Variants in ANKMY2 observed in about 807,000 individuals in gnomAD.
The protein encoded by ANKMY2 is ankyrin repeat and MYND domain-containing protein 2.
A neutral mutation model predicts 50.4 loss-of-function variants in ANKMY2; 36 were observed. The observed-to-expected ratio is 0.71, with a 90% CI of 0.55 to 0.94. The LOEUF (loss-of-function observed/expected upper bound fraction) is 0.94, where lower values mean the gene tolerates loss of function less well. ANKMY2 is among the 40% of genes least tolerant of loss of function. The probability of loss-of-function intolerance (pLI) is 0.00; values close to 1 mark genes in which losing one functional copy is unlikely to be tolerated. For missense variants in ANKMY2, 565 were observed against 524.0 expected (o/e 1.08, Z -0.76); for synonymous variants, 187 against 178.8 (o/e 1.05, Z -0.36).
intron 8 of ANKMY2, chr7:16,603,483 A>G (rs911541398): frequency 3.1e-5 from 11 of 351,024 alleles, no homozygotes; most frequent in Non-Finnish European, 4.7e-5. Context: ...AGTTTTTGTA[A>G]ATGGCCTTAT....
chr7:16,621,209 T>C (rs561055955), intron 4 of ANKMY2, among the ~76,000 whole-genome samples: 2 of 152,292 alleles, frequency 1.3e-5, no homozygotes, highest in South Asian at 4.1e-4. Flanking sequence ...GTGCAAATTC[T>C]TACCATGTGG....
intron 9 of ANKMY2, among the ~76,000 whole-genome samples, chr7:16,601,508 A>T (rs1328239725): frequency 6.6e-6 from 1 of 152,258 alleles, no homozygotes; most frequent in Admixed American, 6.5e-5. Context: ...AGAATAAAAA[A>T]GTTTGGTCAA....
chr7:16,628,829 C>G (rs772367922), intron 2 of ANKMY2, among the ~76,000 whole-genome samples: 1 of 151,918 alleles, frequency 6.6e-6, no homozygotes, highest in South Asian at 2.1e-4. Flanking sequence ...AGTCAATTGC[C>G]CAGCAATCCA....
intron 1 of ANKMY2, 27 bp downstream of exon 1, chr7:16,645,480 G>A (rs774455365): frequency 6.3e-7 from 1 of 1,589,466 alleles, no homozygotes; most frequent in Non-Finnish European, 8.5e-7. Context: ...GGCTGGCCGC[G>A]GCCGCGTCGC....
chr7:16,610,906 G>T, intron 5 of ANKMY2, 143 bp from the exon 6 acceptor site: 1 of 708,464 alleles, frequency 1.4e-6, no homozygotes, highest in Non-Finnish European at 2.3e-6. Context: ...TTGTTAGAAT[G>T]CAAATTACCC....
In ANKMY2 at chr7:16,601,085, A is replaced by G. The variant is rs1281597594; in HGVS notation, c.1142-140T>C. On this transcript the variant is annotated intron_variant, in intron 9 of 9. Transcript: ENST00000306999. Reference sequence around the variant, plus strand: ...CTACTGTCATCGCTAACGTTATTTTACAAATGAGAAAACTGAGAAGAGAGA... The same window carrying G: ...CTACTGTCATCGCTAACGTTATTTTGCAAATGAGAAAACTGAGAAGAGAGA... 4.9e-6 allele frequency: 3 copies of G among 613,756 alleles called. No homozygotes were observed. In the African/African-American group the frequency reaches 5.7e-5, roughly 12 times the overall value. 38.0% of individuals were successfully genotyped at this position (613,756 alleles called of 1,614,324 possible).
At chr7:16,645,457 C>T (rs778254513) in intron 1 of ANKMY2, 50 bp downstream of exon 1, 2 of 1,551,550 alleles carry the variant, frequency 1.3e-6, no homozygotes, top group Non-Finnish European at 1.7e-6. Context: ...GGCTCCGCCA[C>T]GCCCCCCGGC....
rs1399295829 is a variant in ANKMY2 at position 16,645,683 on chromosome 7, C to CT, written c.-111dup. The CT allele has an allele frequency of 6.6e-6, 8 of 1,203,414 alleles. No homozygotes were observed. In the East Asian group the frequency reaches 2.2e-4, roughly 34 times the overall value. 74.5% of individuals were successfully genotyped at this position (1,203,414 alleles called of 1,614,324 possible). ...AATGAGGCAACTTGAGACCAAGACACTGAGTAGCCAACCGCGGAAACGCTT... is the reference window on the plus strand; with the variant it reads ...AATGAGGCAACTTGAGACCAAGACACTTGAGTAGCCAACCGCGGAAACGCTT... On this transcript the variant is annotated 5_prime_UTR_variant, in exon 1 of 10. Coordinates refer to ENST00000306999, the MANE Select transcript of ANKMY2 (RefSeq NM_020319.3).
chr7:16,643,566 A>C (rs951506449), intron 1 of ANKMY2, among the ~76,000 whole-genome samples: 4 of 149,494 alleles, frequency 2.7e-5, no homozygotes, highest in Non-Finnish European at 5.9e-5. Context: ...GTGAGCCCAG[A>C]AATATCACAG....
At chr7:16,618,310 C>T (rs796364411) in intron 4 of ANKMY2, among the ~76,000 whole-genome samples, 23 of 151,928 alleles carry the variant, frequency 1.5e-4, no homozygotes, top group African/African-American at 4.3e-4. Flanking sequence ...CAAAAAAGAT[C>T]GAGTGGATGA....
chr7:16,601,040 C>T, intron 9 of ANKMY2, 95 bp from the exon 10 acceptor site: 2 of 967,030 alleles, frequency 2.1e-6, no homozygotes, highest in Non-Finnish European at 2.9e-6. Flanking sequence ...CTATCAACTA[C>T]ATGAGGTATA....
At chr7:16,620,460 G>A (rs1434843963) in intron 4 of ANKMY2, among the ~76,000 whole-genome samples, 2 of 152,198 alleles carry the variant, frequency 1.3e-5, no homozygotes, top group East Asian at 1.9e-4. Flanking sequence ...AACAGAGAAT[G>A]TGGAGAAATA....
At chr7:16,625,958 T>A (rs888221348) in intron 3 of ANKMY2, among the ~76,000 whole-genome samples, 15 of 151,534 alleles carry the variant, frequency 9.9e-5, no homozygotes, top group Non-Finnish European at 2.1e-4. Context: ...TTTTTCTTTT[T>A]ATACTTGATT....
chr7:16,618,503 T>G (rs151104201), intron 4 of ANKMY2, among the ~76,000 whole-genome samples: 68 of 152,290 alleles, frequency 4.5e-4, no homozygotes, highest in African/African-American at 1.4e-3. Context: ...GAGAATTTAA[T>G]AGTGATCACA....
rs1223251057 is a variant in ANKMY2 at position 16,624,974 on chromosome 7, A to G, written c.370+9T>C. On this transcript the variant is annotated intron_variant, in intron 4 of 9. Coordinates refer to ENST00000306999, the MANE Select transcript of ANKMY2 (RefSeq NM_020319.3). Reference sequence around the variant, plus strand: ...TATAATCTAATGCAAAACTGCAGCAAAATCTCACCCACAAAGGCTGCCATC... The same window carrying G: ...TATAATCTAATGCAAAACTGCAGCAGAATCTCACCCACAAAGGCTGCCATC... 15 of 1,612,642 alleles carry G rather than the reference A, an allele frequency of 9.3e-6. No homozygotes were observed. The highest frequency in any genetic ancestry group is 1.2e-5 in the Non-Finnish European group (14 of 1,179,278).
intron 2 of ANKMY2, among the ~76,000 whole-genome samples, chr7:16,630,077 G>A (rs1323659093): frequency 6.6e-6 from 1 of 152,078 alleles, no homozygotes; most frequent in African/African-American, 2.4e-5. Context: ...CATGATGCAA[G>A]TTAATTTAAA....
intron 1 of ANKMY2, among the ~76,000 whole-genome samples, chr7:16,643,854 C>A (rs1309514091): frequency 2.7e-5 from 4 of 149,452 alleles, no homozygotes; most frequent in Non-Finnish European, 4.4e-5. Context: ...CCCCCACCAC[C>A]CCATCTCTAC....
At chr7:16,605,810 C>G (rs112791722) in intron 7 of ANKMY2, among the ~76,000 whole-genome samples, 1 of 150,488 alleles carries the variant, frequency 6.6e-6, no homozygotes, top group South Asian at 2.1e-4. Flanking sequence ...AGCCTCCCAA[C>G]TAGCTGGGAC....
At chr7:16,628,058 A>C (rs1781529432) in intron 2 of ANKMY2, among the ~76,000 whole-genome samples, 1 of 152,192 alleles carries the variant, frequency 6.6e-6, no homozygotes, top group Admixed American at 6.5e-5. Context: ...GTGCATATTC[A>C]ACAAAACATC....
Sources: gnomAD v4.1 joint callset for allele counts (sites outside exome capture counted in the v4.1 genomes callset) on GRCh38, gnomAD v4.1.1 for gene constraint, MANE v1.5 for transcripts, NCBI Gene and HGNC (gene_info 2026-07-23, HGNC 2026-07-21) for gene names.